Variants in HTR7 observed in about 807,000 individuals in gnomAD.
HTR7 encodes the protein 5-hydroxytryptamine receptor 7.
HTR7 carries 16 observed loss-of-function variants against 34.0 expected under a neutral mutation model. That is an observed-to-expected ratio of 0.47 (90% confidence interval 0.32 to 0.71). The LOEUF is 0.71. HTR7 is among the 30% of genes least tolerant of loss of function. HTR7 has a pLI of 0.04. For missense variants in HTR7, 504 were observed against 625.5 expected (o/e 0.81, Z 2.07); for synonymous variants, 265 against 260.2 (o/e 1.02, Z -0.18).
chr10:90,760,772 T>C (rs991470129), intron 1 of HTR7, among the ~76,000 whole-genome samples: 3 of 152,096 alleles, frequency 2.0e-5, no homozygotes, highest in Admixed American at 2.0e-4. Flanking sequence ...TCCCAGCTAC[T>C]TGGGAGGCTG....
chr10:90,805,394 T>C lies in HTR7; in HGVS notation c.539+51739A>G, dbSNP rs1589457725. Among the ~76,000 whole-genome samples the C allele has an allele frequency of 2.0e-5, 3 of 152,364 alleles. No individual in the cohort carries two copies. The Middle Eastern group carries it at 0.01, about 518-fold the overall frequency. ...TTTGAATCTCTTTGTGAAAGAAATT[T>C]ACATCTTTAAAGGAAATCATCATTT... On this transcript the variant is annotated intron_variant, in intron 1 of 3. Transcript: ENST00000336152.
chr10:90,753,492 T>G (rs10881830), intron 1 of HTR7, among the ~76,000 whole-genome samples: 18,705 of 152,204 alleles, frequency 0.12, 1,603 homozygotes, highest in African/African-American at 0.24. Context: ...TTTGCAAATA[T>G]TTAAGAAAGA....
At chr10:90,836,297 GGA>G (rs1250469939) in intron 1 of HTR7, among the ~76,000 whole-genome samples, 1 of 151,986 alleles carries the variant, frequency 6.6e-6, no homozygotes, top group Non-Finnish European at 1.5e-5. Context: ...GGATGAAAAC[GGA>G]GAGTCAGAAA....
intron 2 of HTR7, among the ~76,000 whole-genome samples, chr10:90,746,883 C>T (rs1844646584): frequency 6.6e-6 from 1 of 152,176 alleles, no homozygotes; most frequent in South Asian, 2.1e-4. Flanking sequence ...GGATACCACT[C>T]GTAGTGCAGT....
At chr10:90,839,762 A>G (rs1196678585) in intron 1 of HTR7, among the ~76,000 whole-genome samples, 1 of 152,180 alleles carries the variant, frequency 6.6e-6, no homozygotes, top group Non-Finnish European at 1.5e-5. Context: ...GTTGGAAAAC[A>G]GACCAGAGAA....
chr10:90,757,804 A>G (rs1725157254), intron 1 of HTR7, among the ~76,000 whole-genome samples: 1 of 152,192 alleles, frequency 6.6e-6, no homozygotes, highest in African/African-American at 2.4e-5. Context: ...GAAAGAGAAC[A>G]TGGCTAAGAC....
At chr10:90,828,853 C>T (rs1846119599) in intron 1 of HTR7, among the ~76,000 whole-genome samples, 1 of 151,602 alleles carries the variant, frequency 6.6e-6, no homozygotes, top group South Asian at 2.1e-4. Context: ...CTGATGCCAA[C>T]ACCAGATGAA....
At chr10:90,781,001 C>T (rs1845298996) in intron 1 of HTR7, among the ~76,000 whole-genome samples, 1 of 152,144 alleles carries the variant, frequency 6.6e-6, no homozygotes, top group Non-Finnish European at 1.5e-5. Context: ...ATTTAATATT[C>T]TGAAACTTTT....
At chr10:90,773,398 G>A (rs948270984) in intron 1 of HTR7, among the ~76,000 whole-genome samples, 69 of 152,194 alleles carry the variant, frequency 4.5e-4, no homozygotes, top group Non-Finnish European at 1.6e-4. Flanking sequence ...GACATGCAAT[G>A]TATAATAATC....
At chr10:90,762,411 C>A (rs886489013) in intron 1 of HTR7, among the ~76,000 whole-genome samples, 6 of 152,140 alleles carry the variant, frequency 3.9e-5, no homozygotes, top group Non-Finnish European at 5.9e-5. Flanking sequence ...TTTCATGTAC[C>A]TGTTGTCCAT....
intron 3 of HTR7, 42 bp from the exon 4 acceptor site, chr10:90,742,570 A>G (rs372321901): frequency 7.3e-7 from 1 of 1,371,618 alleles, no homozygotes; most frequent in African/African-American, 1.4e-5. Flanking sequence ...ATTTAGTAGA[A>G]CTGTAAATGT....
chr10:90,799,643 A>C (rs1845595212), intron 1 of HTR7, among the ~76,000 whole-genome samples: 1 of 152,126 alleles, frequency 6.6e-6, no homozygotes, highest in Admixed American at 6.5e-5. Flanking sequence ...AGGTATATAC[A>C]CTGGTATAAT....
intron 1 of HTR7, among the ~76,000 whole-genome samples, chr10:90,842,392 T>G (rs1336439468): frequency 6.6e-6 from 1 of 152,182 alleles, no homozygotes; most frequent in Admixed American, 6.5e-5. Flanking sequence ...GGTATTTTGT[T>G]ATAGCAGCAT....
chr10:90,841,815 C>G (rs1241577797), intron 1 of HTR7, among the ~76,000 whole-genome samples: 1 of 152,094 alleles, frequency 6.6e-6, no homozygotes, highest in Non-Finnish European at 1.5e-5. Context: ...GCCTGGCCAT[C>G]ATGGTGAAAA....
chr10:90,790,224 C>T (rs189962619), intron 1 of HTR7, among the ~76,000 whole-genome samples: 8 of 152,214 alleles, frequency 5.3e-5, no homozygotes, highest in Non-Finnish European at 8.8e-5. Flanking sequence ...AAAAGTATTA[C>T]CCACACTTGA....
chr10:90,794,442 T>TTTA (rs143351737), intron 1 of HTR7, among the ~76,000 whole-genome samples: 2,464 of 152,324 alleles, frequency 0.016, 81 homozygotes, highest in African/African-American at 0.055. Flanking sequence ...AACATAATTG[T>TTTA]TTATCATTAT....
intron 1 of HTR7, among the ~76,000 whole-genome samples, chr10:90,800,571 T>G (rs12785051): frequency 1.3e-5 from 2 of 151,368 alleles, no homozygotes; most frequent in African/African-American, 2.4e-5. Flanking sequence ...ATGAGATTAA[T>G]CATTCCTTCA....
chr10:90,839,979 A>C (rs1846303257), intron 1 of HTR7, among the ~76,000 whole-genome samples: 1 of 151,962 alleles, frequency 6.6e-6, no homozygotes, highest in Non-Finnish European at 1.5e-5. Context: ...TAACATGTTA[A>C]GGATGGGAAT....
intron 2 of HTR7, among the ~76,000 whole-genome samples, chr10:90,747,275 G>T (rs1016479170): frequency 1.3e-5 from 2 of 152,166 alleles, no homozygotes; most frequent in African/African-American, 4.8e-5. Flanking sequence ...ACTAGATTCT[G>T]CAGAAAGAAA....
Sources: allele counts gnomAD v4.1 joint callset (sites outside exome capture counted in the v4.1 genomes callset), GRCh38; gene constraint gnomAD v4.1.1; transcripts MANE v1.5; gene names NCBI Gene and HGNC (gene_info 2026-07-23, HGNC 2026-07-21).